The following RBL1 variants were observed in gnomAD, a reference collection of about 807,000 sequenced individuals.
RBL1 encodes the protein RB transcriptional corepressor like 1, also known as retinoblastoma-like protein 1.
A neutral mutation model predicts 123.0 loss-of-function variants in RBL1; 82 were observed. That is an observed-to-expected ratio of 0.67 (90% CI 0.56 to 0.80). The LOEUF is 0.80. Among genes scored for constraint, RBL1 ranks in the 30% least tolerant of loss-of-function variants. The probability of loss-of-function intolerance (pLI) is 0.00; values close to 1 mark genes in which losing one functional copy is unlikely to be tolerated. For missense variants in RBL1, 1,171 were observed against 1,299.6 expected (o/e 0.90, Z 1.52); for synonymous variants, 405 against 441.3 (o/e 0.92, Z 1.03).
intron 14 of RBL1, among the ~76,000 whole-genome samples, chr20:37,038,123 C>T (rs1163627660): frequency 6.6e-6 from 1 of 151,104 alleles, no homozygotes; most frequent in Admixed American, 6.6e-5. Flanking sequence ...GCCTGAGCAG[C>T]TGGGATTACA....
intron 14 of RBL1, among the ~76,000 whole-genome samples, chr20:37,036,878 G>A (rs978472246): frequency 2.2e-4 from 33 of 152,234 alleles, no homozygotes; most frequent in African/African-American, 7.9e-4. Context: ...GCCCGCCTCG[G>A]CCTCCCAAAG....
At chr20:37,082,735 C>T (rs1023752266) in intron 2 of RBL1, among the ~76,000 whole-genome samples, 5 of 151,932 alleles carry the variant, frequency 3.3e-5, no homozygotes, top group African/African-American at 1.2e-4. Context: ...GGTGGCTCAC[C>T]CCTGTAATCC....
intron 17 of RBL1, among the ~76,000 whole-genome samples, chr20:37,021,296 C>T (rs2064336310): frequency 6.6e-6 from 1 of 152,178 alleles, no homozygotes; most frequent in Non-Finnish European, 1.5e-5. Context: ...TCATAAACTT[C>T]ACTTAAGTCA....
intron 6 of RBL1, among the ~76,000 whole-genome samples, chr20:37,065,789 T>C (rs2065168832): frequency 6.6e-6 from 1 of 152,126 alleles, no homozygotes; most frequent in South Asian, 2.1e-4. Context: ...AATTTTTGTA[T>C]TGTTTGTAGA....
In RBL1 at chr20:37,076,667, T is replaced by C. The variant is rs569905974; in HGVS notation, c.291-8481A>G. ...CATGGCTGATGGGCTACTGAAACCATGGAAAGTGAAACCAAGGATAAAGAA... is the reference window on the plus strand; with the variant it reads ...CATGGCTGATGGGCTACTGAAACCACGGAAAGTGAAACCAAGGATAAAGAA... On this transcript the variant is annotated intron_variant, in intron 2 of 21. Coordinates refer to ENST00000373664, the MANE Select transcript of RBL1 (RefSeq NM_002895.5). 2.0e-5 allele frequency among the ~76,000 whole-genome samples: 3 copies of C among 152,334 alleles called. No individual in the cohort carries two copies. In the South Asian group the frequency reaches 6.2e-4, roughly 32 times the overall value.
rs139584589 is a variant in RBL1 at position 37,058,752 on chromosome 20, C to G, written c.1250+2351G>C. On this transcript the variant is annotated intron_variant, in intron 9 of 21. Transcript: ENST00000373664. ...TATTAAGTCTTCCAGTCCACAAACA[C>G]AGATGTCTTTCCTTTTTTTTTTTTT... Among the ~76,000 whole-genome samples the G allele has an allele frequency of 2.3e-3, 349 of 151,712 alleles. 1 individual carries two copies. Among genetic ancestry groups the G allele is most frequent in the Non-Finnish European group, 4.0e-3 (271 of 67,928 alleles).
intron 6 of RBL1, 128 bp downstream of exon 6, chr20:37,066,593 CAGT>C (rs2146302165): frequency 1.3e-6 from 1 of 774,748 alleles, no homozygotes; most frequent in African/African-American, 1.7e-5. Context: ...TTCTGAATCA[CAGT>C]AGAGGCTAAA....
intron 2 of RBL1, among the ~76,000 whole-genome samples, chr20:37,081,492 CA>C (rs2065447656): frequency 6.6e-6 from 1 of 151,850 alleles, no homozygotes; most frequent in African/African-American, 2.4e-5. Flanking sequence ...AGACAAAAAA[CA>C]AAACAAAACA....
chr20:37,057,044 C>CCTACCTAT (rs1250102367), intron 9 of RBL1, among the ~76,000 whole-genome samples: 5 of 146,376 alleles, frequency 3.4e-5, no homozygotes, highest in Admixed American at 6.8e-5. Context: ...TACCTACCTA[C>CCTACCTAT]CTACCTATCT....
intron 3 of RBL1, 135 bp downstream of exon 3, chr20:37,067,851 G>A (rs987493628): frequency 7.9e-6 from 7 of 885,514 alleles, no homozygotes; most frequent in Admixed American, 3.4e-5. Context: ...ATGGATAATT[G>A]TACATGGATT....
At chr20:37,063,598 G>A (rs1008112850) in intron 7 of RBL1, among the ~76,000 whole-genome samples, 1 of 151,158 alleles carries the variant, frequency 6.6e-6, no homozygotes, top group East Asian at 1.9e-4. Flanking sequence ...TGCAACCTCC[G>A]CCTCCTGGGT....
Position 37,068,186 on chromosome 20 carries a change from AC to A in RBL1, c.291-1del. Reference sequence around the variant, plus strand: ...TCATTTTACTAAAAAATTGTATTAAACTAAAAAAAAAAAGGAGGAGAAAAAA... The same window carrying A: ...TCATTTTACTAAAAAATTGTATTAAATAAAAAAAAAAAGGAGGAGAAAAAA... On this transcript the variant is annotated splice_acceptor_variant, in intron 2 of 21. Coordinates refer to ENST00000373664, the MANE Select transcript of RBL1 (RefSeq NM_002895.5). LOFTEE classifies it high-confidence loss of function. The A allele has an allele frequency of 1.3e-6, 2 of 1,555,364 alleles. No individual in the cohort carries two copies. Among genetic ancestry groups the A allele is most frequent in the Admixed American group, 2.2e-5 (1 of 45,374 alleles).
chr20:37,065,618 T>A, intron 6 of RBL1, 145 bp from the exon 7 acceptor site: 1 of 545,500 alleles, frequency 1.8e-6, no homozygotes, highest in Non-Finnish European at 3.1e-6. Flanking sequence ...TAGGATAAAC[T>A]ATTTAGCATG....
At chr20:37,068,267 A>G in intron 2 of RBL1, 81 bp from the exon 3 acceptor site, 5 of 1,464,374 alleles carry the variant, frequency 3.4e-6, no homozygotes, top group Non-Finnish European at 4.5e-6. Flanking sequence ...TCTATTCATG[A>G]CTAAGACTCT....
At chr20:37,006,261 C>T (rs2064071485) in intron 20 of RBL1, among the ~76,000 whole-genome samples, 1 of 149,102 alleles carries the variant, frequency 6.7e-6, no homozygotes, top group East Asian at 2.0e-4. Context: ...AGTGCAGTGG[C>T]GCGATCTCTG....
chr20:37,002,888 A>G (rs2064011573), intron 21 of RBL1, among the ~76,000 whole-genome samples: 2 of 149,796 alleles, frequency 1.3e-5, no homozygotes, highest in African/African-American at 4.9e-5. Flanking sequence ...ATGCCTGGCT[A>G]ATTTTTTGTA....
intron 11 of RBL1, among the ~76,000 whole-genome samples, chr20:37,049,876 A>G (rs566987926): frequency 6.6e-6 from 1 of 152,132 alleles, no homozygotes; most frequent in Admixed American, 6.5e-5. Context: ...CAGCCTGACT[A>G]ACATGGAGAA....
chr20:37,035,254 T>C lies in RBL1; in HGVS notation c.2158A>G (p.Ile720Val), dbSNP rs139987219. The change falls in exon 15 of 22, where the codon ATT becomes GTT. Residue 720 changes from isoleucine (I) to valine (V), a missense_variant. By Grantham distance (29) the Ile-to-Val change is conservative. Coordinates refer to ENST00000373664, the MANE Select transcript of RBL1 (RefSeq NM_002895.5). Reference sequence around the variant, plus strand: ...ACTATAACGTTACCATGTAATGGAATTGTAACTTTATGTCCTGTTGTTCCT... The same window carrying C: ...ACTATAACGTTACCATGTAATGGAACTGTAACTTTATGTCCTGTTGTTCCT... ...VTGTTGHKVT[I>V]PLHGVANDAG... 69 of 1,612,806 alleles carry C rather than the reference T, an allele frequency of 4.3e-5. No individual in the cohort carries two copies. Among genetic ancestry groups the C allele is most frequent in the Non-Finnish European group, 3.2e-5 (38 of 1,179,310 alleles).
At position 37,034,724 on chromosome 20, in the gene RBL1, AAAC is replaced by A. The variant is rs371647614; in HGVS notation, c.2170+515_2170+517del. Among the ~76,000 whole-genome samples the A allele has an allele frequency of 1.4e-4, 22 of 152,066 alleles. No individual in the cohort carries two copies. The East Asian group carries it at 4.2e-3, about 29-fold the overall frequency. On this transcript the variant is annotated intron_variant, in intron 15 of 21. Coordinates refer to ENST00000373664, the MANE Select transcript of RBL1 (RefSeq NM_002895.5). ...AGAAAAGAAAAAGTAAAATAAGTCT[AAAC>A]AAACAGAGAGGGTAGTAAATTTATA...
Sources: gnomAD v4.1 joint callset for allele counts (sites outside exome capture counted in the v4.1 genomes callset) on GRCh38, gnomAD v4.1.1 for gene constraint, MANE v1.5 for transcripts, NCBI Gene and HGNC (gene_info 2026-07-23, HGNC 2026-07-21) for gene names.